USP4: variants seen among roughly 807,000 people sequenced by gnomAD.
USP4 encodes the protein ubiquitin specific peptidase 4.
A neutral mutation model predicts 118.2 loss-of-function variants in USP4; 72 were observed. That is an observed-to-expected ratio of 0.61 (90% CI 0.50 to 0.74). The LOEUF is 0.74. Ranked by LOEUF, USP4 falls within the 30% of genes least tolerant of loss-of-function variation. The probability of loss-of-function intolerance (pLI) is 0.00; values close to 1 mark genes in which losing one functional copy is unlikely to be tolerated. For missense variants in USP4, 1,037 were observed against 1,185.7 expected (o/e 0.87, Z 1.84); for synonymous variants, 415 against 440.4 (o/e 0.94, Z 0.72).
intron 15 of USP4, among the ~76,000 whole-genome samples, chr3:49,286,938 C>G (rs1484111657): frequency 2.6e-5 from 4 of 152,124 alleles, no homozygotes; most frequent in African/African-American, 9.7e-5. Context: ...CAACCTTCAC[C>G]TCCCAGGTTC....
chr3:49,278,120 C>A lies in USP4; in HGVS notation c.*173G>T. On this transcript the variant is annotated 3_prime_UTR_variant, in exon 22 of 22. Transcript: ENST00000265560. ...AAAATAATTCAGCCTCTTGACATAG[C>A]TTCTTCTAGGTAAACGGTCTTCTTT... The A allele has an allele frequency of 2.8e-6, 2 of 723,650 alleles. No homozygotes were observed. The highest frequency in any genetic ancestry group is 2.8e-5 in the South Asian group (1 of 35,234). 44.8% of individuals were successfully genotyped at this position (723,650 alleles called of 1,614,324 possible).
At chr3:49,287,910 G>A (rs2047114010) in intron 15 of USP4, among the ~76,000 whole-genome samples, 1 of 152,146 alleles carries the variant, frequency 6.6e-6, no homozygotes, top group South Asian at 2.1e-4. Context: ...TCCATAAGGG[G>A]AGCACACAGT....
At chr3:49,323,309 C>A (rs1286245587) in intron 6 of USP4, among the ~76,000 whole-genome samples, 1 of 143,786 alleles carries the variant, frequency 7.0e-6, no homozygotes, top group Admixed American at 7.0e-5. Context: ...GAGATGGGGT[C>A]TTGCTGTCGC....
chr3:49,309,315 G>C (rs997663434), intron 8 of USP4, among the ~76,000 whole-genome samples: 2 of 152,156 alleles, frequency 1.3e-5, no homozygotes, highest in African/African-American at 2.4e-5. Context: ...TGGGAACTGT[G>C]CCCTCCTAAC....
chr3:49,278,466 G>A lies in USP4; in HGVS notation c.2734-15C>T. On this transcript the variant is annotated splice_polypyrimidine_tract_variant and intron_variant, in intron 21 of 21. Coordinates refer to ENST00000265560, the MANE Select transcript of USP4 (RefSeq NM_003363.4). ...GCTGCTTTAGTCTGAAATACAAGAG[G>A]GGGAAAGACCATTCAGTGCTTGGAA... The A allele has an allele frequency of 1.2e-6, 2 of 1,611,118 alleles. No individual in the cohort carries two copies. Among genetic ancestry groups the A allele is most frequent in the Admixed American group, 1.7e-5 (1 of 59,550 alleles).
chr3:49,279,374 A>G (rs1228453612), intron 20 of USP4: 1 of 152,290 alleles, frequency 6.6e-6, no homozygotes, highest in Non-Finnish European at 1.5e-5. Flanking sequence ...GAATAATCCC[A>G]GTTAGAGGAA....
At chr3:49,297,784 A>G (rs1194896637) in intron 13 of USP4, 86 bp downstream of exon 13, 22 of 1,157,210 alleles carry the variant, frequency 1.9e-5, no homozygotes, top group African/African-American at 3.0e-5. Flanking sequence ...GACTGCCCAC[A>G]TTTTTGTTCT....
rs1198368889 is a variant in USP4, at chr3:49,326,587, G to A, written c.361-742C>T. On this transcript the variant is annotated intron_variant, in intron 3 of 21. Transcript: ENST00000265560. The stretch of plus-strand genomic sequence containing the variant: ...AATTTTTGTATTTTTAGTAGAGACA[G>A]GATTTCACCATGTTGGCCAGGATGG... 2.0e-5 allele frequency among the ~76,000 whole-genome samples: 3 copies of A among 150,794 alleles called. No individual in the cohort carries two copies. The East Asian group carries it at 6.0e-4, about 30-fold the overall frequency.
chr3:49,295,105 C>T lies in USP4; in HGVS notation c.1692-507G>A, dbSNP rs141673293. Reference sequence around the variant, plus strand: ...GAGATTGAGACCATCCTGGCTAACACGGTGAAACCCCATCTCTTCTAAAAA... The same window carrying T: ...GAGATTGAGACCATCCTGGCTAACATGGTGAAACCCCATCTCTTCTAAAAA... On this transcript the variant is annotated intron_variant, in intron 13 of 21. Coordinates refer to ENST00000265560, the MANE Select transcript of USP4 (RefSeq NM_003363.4). Among the ~76,000 whole-genome samples, 692 of 152,050 alleles carry T rather than the reference C, an allele frequency of 4.6e-3. 7 individuals carry two copies. Among genetic ancestry groups the T allele is most frequent in the African/African-American group, 0.015 (612 of 41,474 alleles).
At chr3:49,305,322 C>A (rs2047303765) in intron 9 of USP4, among the ~76,000 whole-genome samples, 1 of 149,938 alleles carries the variant, frequency 6.7e-6, no homozygotes, top group Admixed American at 6.7e-5. Context: ...TTGTGATCCG[C>A]CCGCCTCAGC....
chr3:49,292,179 T>C (rs1477934488), intron 15 of USP4, among the ~76,000 whole-genome samples: 1 of 151,520 alleles, frequency 6.6e-6, no homozygotes, highest in African/African-American at 2.4e-5. Flanking sequence ...CCAGCTACTC[T>C]GGAGGCTGAG....
At chr3:49,339,090 T>G (rs2047704838) in intron 1 of USP4, among the ~76,000 whole-genome samples, 1 of 152,154 alleles carries the variant, frequency 6.6e-6, no homozygotes, top group South Asian at 2.1e-4. Context: ...GAGGTTGCCG[T>G]GAGCCAAGAT....
chr3:49,339,916 G>A lies in USP4; in HGVS notation c.101+8C>T, dbSNP rs769120710. ...TCTGCATAGAGGAAGAGCGAGCCGGGAGCTCACCACTGCGCCCCGCGTTGG... is the reference window on the plus strand; with the variant it reads ...TCTGCATAGAGGAAGAGCGAGCCGGAAGCTCACCACTGCGCCCCGCGTTGG... On this transcript the variant is annotated splice_region_variant and intron_variant, in intron 1 of 21. Coordinates refer to ENST00000265560, the MANE Select transcript of USP4 (RefSeq NM_003363.4). 84 of 1,610,932 alleles carry A rather than the reference G, an allele frequency of 5.2e-5. No homozygotes were observed. Among genetic ancestry groups the A allele is most frequent in the Non-Finnish European group, 6.4e-5 (76 of 1,178,572 alleles).
At chr3:49,288,247 T>C (rs1461656130) in intron 15 of USP4, among the ~76,000 whole-genome samples, 2 of 152,180 alleles carry the variant, frequency 1.3e-5, no homozygotes, top group Non-Finnish European at 2.9e-5. Flanking sequence ...AACCCAAAAC[T>C]GCCTCTATCC....
intron 6 of USP4, among the ~76,000 whole-genome samples, chr3:49,323,519 T>C (rs555436268): frequency 6.6e-6 from 1 of 152,262 alleles, no homozygotes; most frequent in East Asian, 1.9e-4. Context: ...AATTAGGATA[T>C]GGATATCTCA....
chr3:49,298,017 T>TA (rs2047227286), intron 12 of USP4, 53 bp from the exon 13 acceptor site: 1 of 1,185,198 alleles, frequency 8.4e-7, no homozygotes, highest in East Asian at 2.4e-5. Flanking sequence ...GTGCCCCTAC[T>TA]AACTGCTTAA....
At chr3:49,288,025 A>C (rs1300359255) in intron 15 of USP4, among the ~76,000 whole-genome samples, 2 of 152,198 alleles carry the variant, frequency 1.3e-5, no homozygotes, top group East Asian at 3.8e-4. Context: ...AAAACAAAGA[A>C]TCTACATACT....
Position 49,325,015 on chromosome 3 carries a change from T to C in USP4, c.512A>G (p.Lys171Arg), listed in dbSNP as rs761611034. ...ACGCTCCGCAGGGATGTTGAATAGCTTCCGCATCTCTTTCTCGATGGTTGC... is the reference window on the plus strand; with the variant it reads ...ACGCTCCGCAGGGATGTTGAATAGCCTCCGCATCTCTTTCTCGATGGTTGC... ...TIATIEKEMR[K>R]LFNIPAERET... The change falls in exon 5 of 22, where the codon AAG (lysine) becomes AGG (arginine). Residue 171 changes from lysine (K) to arginine (R), a missense_variant. Lys to Arg is a conservative substitution (Grantham distance 26, BLOSUM62 2). Transcript: ENST00000265560. 3 of 1,613,692 alleles carry C rather than the reference T, an allele frequency of 1.9e-6. No individual in the cohort carries two copies. In the African/African-American group the frequency reaches 4.0e-5, roughly 22 times the overall value.
intron 14 of USP4, among the ~76,000 whole-genome samples, 154 bp from the exon 15 acceptor site, chr3:49,292,752 C>T (rs182477698): frequency 6.6e-6 from 1 of 152,264 alleles, no homozygotes; most frequent in East Asian, 1.9e-4. Context: ...TAGAATTATC[C>T]ACTGGGCCAG....
Sources: gnomAD v4.1 joint callset for allele counts (sites outside exome capture counted in the v4.1 genomes callset) on GRCh38, gnomAD v4.1.1 for gene constraint, MANE v1.5 for transcripts, NCBI Gene and HGNC (gene_info 2026-07-23, HGNC 2026-07-21) for gene names.